The following GFRA1 variants were observed in gnomAD, a reference collection of about 807,000 sequenced individuals.
The protein encoded by GFRA1 is GDNF family receptor alpha-1.
GFRA1 carries 16 observed loss-of-function variants against 51.6 expected under a neutral mutation model. The ratio of observed to expected loss-of-function variants is 0.31; its 90% CI spans 0.21 to 0.47. The LOEUF is 0.47. GFRA1 is among the 20% of genes least tolerant of loss of function. The probability of loss-of-function intolerance (pLI) is 1.00; values close to 1 mark genes in which losing one functional copy is unlikely to be tolerated. For missense variants in GFRA1, 530 were observed against 594.3 expected (o/e 0.89, Z 1.13); for synonymous variants, 270 against 241.3 (o/e 1.12, Z -1.10).
chr10:116,136,481 C>A (rs1055377916), intron 5 of GFRA1, among the ~76,000 whole-genome samples: 1 of 152,156 alleles, frequency 6.6e-6, no homozygotes, highest in Non-Finnish European at 1.5e-5. Flanking sequence ...ATCCAAAACC[C>A]CCCTCTTCCC....
chr10:116,075,396 C>T (rs2133812004), intron 9 of GFRA1, among the ~76,000 whole-genome samples: 1 of 152,224 alleles, frequency 6.6e-6, no homozygotes, highest in East Asian at 1.9e-4. Flanking sequence ...CAAAGACCAC[C>T]CAGGAGAATA....
intron 4 of GFRA1, among the ~76,000 whole-genome samples, chr10:116,252,290 G>A (rs1968445043): frequency 6.6e-6 from 1 of 152,082 alleles, no homozygotes; most frequent in African/African-American, 2.4e-5. Flanking sequence ...CTGAGAGGCT[G>A]TTTCTATCTA....
At chr10:116,133,743 G>A (rs1278971206) in intron 5 of GFRA1, among the ~76,000 whole-genome samples, 11 of 152,200 alleles carry the variant, frequency 7.2e-5, no homozygotes, top group Non-Finnish European at 1.5e-4. Context: ...CGCGGTCTGC[G>A]GCTCCAAAGG....
intron 4 of GFRA1, among the ~76,000 whole-genome samples, chr10:116,237,574 C>CAAAAAAAAAAA: frequency 8.9e-6 from 1 of 112,592 alleles, no homozygotes; most frequent in Non-Finnish European, 1.9e-5. Context: ...AAACTAAAGG[C>CAAAAAAAAAAA]AAAAAAAAAA....
chr10:116,197,628 T>C (rs907771219), intron 5 of GFRA1, among the ~76,000 whole-genome samples: 2 of 152,192 alleles, frequency 1.3e-5, no homozygotes, highest in East Asian at 1.9e-4. Flanking sequence ...CGACTAACCC[T>C]ATTTCCAAAT....
chr10:116,251,820 C>G (rs1968389944), intron 4 of GFRA1, among the ~76,000 whole-genome samples: 1 of 151,916 alleles, frequency 6.6e-6, no homozygotes, highest in South Asian at 2.1e-4. Flanking sequence ...AGGAGGTACA[C>G]GTCTGAAAAG....
chr10:116,271,881 T>A, intron 2 of GFRA1, 109 bp downstream of exon 2: 1 of 851,012 alleles, frequency 1.2e-6, no homozygotes, highest in South Asian at 1.4e-5. Flanking sequence ...TCCTTCCACA[T>A]CCACCACACC....
At chr10:116,139,289 T>C (rs1165533439) in intron 5 of GFRA1, among the ~76,000 whole-genome samples, 1 of 152,160 alleles carries the variant, frequency 6.6e-6, no homozygotes, top group Non-Finnish European at 1.5e-5. Flanking sequence ...GTTGTGTCCC[T>C]GATTACATGA....
Position 116,146,209 on chromosome 10 carries a change from G to C in GFRA1, c.434-20652C>G, listed in dbSNP as rs558716858. On this transcript the variant is annotated intron_variant, in intron 5 of 10. Coordinates refer to ENST00000355422, the MANE Select transcript of GFRA1 (RefSeq NM_005264.8). ...GAGAGAAACAGAATTCACTATCTGA[G>C]CAGATCCCAGGTTTTGTGGGGATAG... 8.5e-5 allele frequency among the ~76,000 whole-genome samples: 13 copies of C among 152,260 alleles called. No individual in the cohort carries two copies. The East Asian group carries it at 2.5e-3, about 29-fold the overall frequency.
chr10:116,231,578 T>C (rs1317557279), intron 4 of GFRA1, among the ~76,000 whole-genome samples: 1 of 152,246 alleles, frequency 6.6e-6, no homozygotes, highest in Non-Finnish European at 1.5e-5. Flanking sequence ...AAGCTTTTTT[T>C]CTGAATTCTA....
At position 116,196,847 on chromosome 10, in the gene GFRA1, AT is replaced by A. The variant is rs770988253; in HGVS notation, c.433+14783del. ...AATACTTATAAATATATATATATAT[AT>A]TTTTTTTCCCTCCCACAGTTCTGGA... On this transcript the variant is annotated intron_variant, in intron 5 of 10. Transcript: ENST00000355422. Among the ~76,000 whole-genome samples, 53 of 93,492 alleles carry A rather than the reference AT, an allele frequency of 5.7e-4. 2 individuals carry two copies. The South Asian group carries it at 6.0e-3, about 11-fold the overall frequency. The allele number at this position is 93,492 out of a possible 152,430, so 61.3% of individuals were successfully genotyped here.
chr10:116,087,424 G>A (rs1328631245), intron 9 of GFRA1, among the ~76,000 whole-genome samples: 2 of 152,202 alleles, frequency 1.3e-5, no homozygotes, highest in Non-Finnish European at 2.9e-5. Flanking sequence ...TTGACAAGTT[G>A]CATCTTGCCC....
At chr10:116,158,108 G>A (rs903943613) in intron 5 of GFRA1, among the ~76,000 whole-genome samples, 1 of 152,158 alleles carries the variant, frequency 6.6e-6, no homozygotes, top group African/African-American at 2.4e-5. Context: ...TCCCTGAACT[G>A]TGTTGATGCA....
At chr10:116,090,212 G>C (rs1296901036) in intron 8 of GFRA1, among the ~76,000 whole-genome samples, 1 of 151,998 alleles carries the variant, frequency 6.6e-6, no homozygotes, top group African/African-American at 2.4e-5. Flanking sequence ...CAAGATCCTT[G>C]CCCTAAAATA....
chr10:116,118,963 C>T (rs1397797762), intron 6 of GFRA1, among the ~76,000 whole-genome samples: 26 of 152,080 alleles, frequency 1.7e-4, no homozygotes. Flanking sequence ...GGCTTCACAC[C>T]CACCTCTGCC....
chr10:116,185,169 C>A (rs1320726342), intron 5 of GFRA1, among the ~76,000 whole-genome samples: 2 of 151,716 alleles, frequency 1.3e-5, no homozygotes, highest in African/African-American at 2.4e-5. Context: ...CAGAGAGAGA[C>A]TGAGAGGAGA....
At chr10:116,069,179 CT>C (rs200564302) in intron 9 of GFRA1, among the ~76,000 whole-genome samples, 1,606 of 152,228 alleles carry the variant, frequency 0.011, 17 homozygotes, top group Non-Finnish European at 0.014. Flanking sequence ...CATGATATGT[CT>C]TTTAACAAGA....
chr10:116,164,693 C>T (rs147292042), intron 5 of GFRA1, among the ~76,000 whole-genome samples: 6 of 152,236 alleles, frequency 3.9e-5, no homozygotes, highest in East Asian at 1.9e-4. Flanking sequence ...GACTACTTGA[C>T]GGAATTCTTA....
chr10:116,072,759 TCAAAA>T lies in GFRA1; in HGVS notation c.1198-7138_1198-7134del, dbSNP rs751604948. On this transcript the variant is annotated intron_variant, in intron 9 of 10. Transcript: ENST00000355422. ...CTGGGTGACAGAGATAGACTCCATC[TCAAAA>T]CAAAACAAAACAAAACAAAAAAATA... 9.2e-5 allele frequency among the ~76,000 whole-genome samples: 14 copies of T among 152,084 alleles called. 1 individual carries two copies. In the South Asian group the frequency reaches 1.5e-3, roughly 16 times the overall value.
Sources: allele counts gnomAD v4.1 joint callset (sites outside exome capture counted in the v4.1 genomes callset), GRCh38; gene constraint gnomAD v4.1.1; transcripts MANE v1.5; gene names NCBI Gene and HGNC (gene_info 2026-07-23, HGNC 2026-07-21).